Variants in RBL1 observed in about 807,000 individuals in gnomAD.
RBL1 encodes retinoblastoma-like protein 1.
A neutral mutation model predicts 123.0 loss-of-function variants in RBL1; 82 were observed. The ratio of observed to expected loss-of-function variants is 0.67; its 90% CI spans 0.56 to 0.80. The LOEUF is 0.80. RBL1 is among the 30% of genes least tolerant of loss of function. The probability of loss-of-function intolerance (pLI) is 0.00; values close to 1 mark genes in which losing one functional copy is unlikely to be tolerated. For missense variants in RBL1, 1,171 were observed against 1,299.6 expected (o/e 0.90, Z 1.52); for synonymous variants, 405 against 441.3 (o/e 0.92, Z 1.03).
chr20:37,093,791 G>A (rs1291693632), intron 1 of RBL1, among the ~76,000 whole-genome samples: 3 of 151,678 alleles, frequency 2.0e-5, no homozygotes, highest in African/African-American at 7.3e-5. Flanking sequence ...ACAAGTGCAC[G>A]TCACCATGCT....
At position 37,095,955 on chromosome 20, in the gene RBL1, C is replaced by T. The variant is rs1191522315; in HGVS notation, c.-27G>A. 2 of 1,485,354 alleles carry T rather than the reference C, an allele frequency of 1.3e-6. No individual in the cohort carries two copies. Among genetic ancestry groups the T allele is most frequent in the Non-Finnish European group, 9.0e-7 (1 of 1,110,152 alleles). 92.0% of individuals were successfully genotyped at this position (1,485,354 alleles called of 1,614,324 possible). On this transcript the variant is annotated 5_prime_UTR_variant, in exon 1 of 22. Transcript: ENST00000373664. Reference sequence around the variant, plus strand: ...CCTTCAGGCCCCGCGGGCTGCGCGCCACGGCCCCCGACTTCTTTCTCCCTC... The same window carrying T: ...CCTTCAGGCCCCGCGGGCTGCGCGCTACGGCCCCCGACTTCTTTCTCCCTC...
chr20:37,041,352 C>A (rs1031600729), intron 13 of RBL1, among the ~76,000 whole-genome samples: 1 of 151,988 alleles, frequency 6.6e-6, no homozygotes, highest in East Asian at 1.9e-4. Flanking sequence ...GACACAGTCT[C>A]GCTCTGTTGT....
At position 37,091,808 on chromosome 20, in the gene RBL1, A is replaced by G. The variant is rs1030917225; in HGVS notation, c.157-2686T>C. On this transcript the variant is annotated intron_variant, in intron 1 of 21. Transcript: ENST00000373664. Reference sequence around the variant, plus strand: ...ATAAAAAGATTTCTTGCAATAATCTAAAAGGGGTGGGTAGAAATGGGTGGC... The same window carrying G: ...ATAAAAAGATTTCTTGCAATAATCTGAAAGGGGTGGGTAGAAATGGGTGGC... Among the ~76,000 whole-genome samples the G allele has an allele frequency of 2.6e-5, 4 of 152,194 alleles. No individual in the cohort carries two copies. In the East Asian group the frequency reaches 7.7e-4, roughly 29 times the overall value.
chr20:37,002,265 A>T (rs1338195609), intron 21 of RBL1, among the ~76,000 whole-genome samples: 1 of 148,514 alleles, frequency 6.7e-6, no homozygotes, highest in Admixed American at 6.7e-5. Flanking sequence ...TCCTGGCCTC[A>T]AGTGTTCCCC....
intron 19 of RBL1, among the ~76,000 whole-genome samples, chr20:37,012,621 CG>C (rs2064175618): frequency 7.3e-6 from 1 of 136,418 alleles, no homozygotes; most frequent in Non-Finnish European, 1.5e-5. Flanking sequence ...GGAGCCCCTC[CG>C]CCCAGCAGCC....
At chr20:37,085,776 C>G (rs2065535601) in intron 2 of RBL1, among the ~76,000 whole-genome samples, 1 of 150,248 alleles carries the variant, frequency 6.7e-6, no homozygotes, top group South Asian at 2.1e-4. Flanking sequence ...ACCTCAGCCT[C>G]TCGAGTAGCT....
intron 14 of RBL1, among the ~76,000 whole-genome samples, chr20:37,035,969 T>G (rs765966843): frequency 3.9e-5 from 6 of 152,194 alleles, no homozygotes; most frequent in African/African-American, 9.7e-5. Flanking sequence ...GCTTTCTAAT[T>G]TAGTAGATAT....
intron 13 of RBL1, among the ~76,000 whole-genome samples, chr20:37,041,538 G>A (rs1370262762): frequency 6.6e-6 from 1 of 152,054 alleles, no homozygotes; most frequent in African/African-American, 2.4e-5. Flanking sequence ...GGCCAGCCTG[G>A]TCTCGAACGC....
intron 11 of RBL1, chr20:37,049,199 C>T (rs905262254): frequency 2.5e-5 from 9 of 366,614 alleles, no homozygotes; most frequent in Non-Finnish European, 4.6e-5. Context: ...GAGACTCTGT[C>T]CCAAAAAACA....
chr20:37,067,919 A>C, intron 3 of RBL1, 67 bp downstream of exon 3: 2 of 1,520,892 alleles, frequency 1.3e-6, no homozygotes, highest in Non-Finnish European at 1.8e-6. Flanking sequence ...ACAGACTTTC[A>C]AAAAAGTATA....
At chr20:37,069,103 G>A (rs1243739030) in intron 2 of RBL1, among the ~76,000 whole-genome samples, 24 of 152,272 alleles carry the variant, frequency 1.6e-4, no homozygotes, top group Non-Finnish European at 1.8e-4. Flanking sequence ...GCCTCCCGAG[G>A]TGCCGGGATT....
chr20:37,062,094 T>C lies in RBL1; in HGVS notation c.1073A>G (p.His358Arg), dbSNP rs1288008530. 10 of 1,612,276 alleles carry C rather than the reference T, an allele frequency of 6.2e-6. No homozygotes were observed. Among genetic ancestry groups the C allele is most frequent in the South Asian group, 1.1e-5 (1 of 90,770 alleles). Residue 358 changes from histidine to arginine, a missense_variant, in exon 8 of 22, where the codon CAC (histidine) becomes CGC (arginine). By Grantham distance (29) the His-to-Arg change is conservative. Coordinates refer to ENST00000373664, the MANE Select transcript of RBL1 (RefSeq NM_002895.5). ...QANVEYNLQQ[H>R]FEKKRSFAPS... ...GCTAGGTTATATTACTTTTTCAAAG[T>C]GCTGTTGAAGGTTATACTCCACATT...
At chr20:37,044,033 G>A in intron 13 of RBL1, 53 bp downstream of exon 13, 1 of 912,710 alleles carries the variant, frequency 1.1e-6, no homozygotes, top group Non-Finnish European at 1.5e-6. Flanking sequence ...AATAAAGCTG[G>A]TTTTTTTTTT....
In RBL1 at chr20:37,007,435, G is replaced by T; in HGVS notation, c.2847C>A (p.Tyr949Ter). ...CCATATGGTCCTGATTCGCCAAGTC[G>T]TATTTCAGTGCAAATGACTTCACTC... Reference protein sequence around the residue: ...VGRVKSFALKYDLANQDHMMD... With the variant: ...VGRVKSFALK Residue 949 changes from tyrosine (Y) to a stop codon, truncating the protein, a stop_gained, in exon 20 of 22, where the codon TAC becomes TAA. Coordinates refer to ENST00000373664, the MANE Select transcript of RBL1 (RefSeq NM_002895.5). LOFTEE classifies it high-confidence loss of function. 2 of 1,613,500 alleles carry T rather than the reference G, an allele frequency of 1.2e-6. No individual in the cohort carries two copies.
intron 7 of RBL1, among the ~76,000 whole-genome samples, chr20:37,064,259 T>A (rs1237892509): frequency 6.6e-6 from 1 of 150,922 alleles, no homozygotes. Flanking sequence ...TGCCTCAGCC[T>A]CCCAAGTAGC....
In RBL1 at chr20:37,067,630, C is replaced by T. The variant is rs1003103526; in HGVS notation, c.492-333G>A. Among the ~76,000 whole-genome samples, 10 of 151,498 alleles carry T rather than the reference C, an allele frequency of 6.6e-5. No individual in the cohort carries two copies. The South Asian group carries it at 1.5e-3, about 22-fold the overall frequency. ...CTAAAAATACAAAAAATGAGCCAGA[C>T]GGGGTGGTGCACACCTGTGATCCCA... On this transcript the variant is annotated intron_variant, in intron 3 of 21. Transcript: ENST00000373664.
chr20:37,090,701 T>C (rs1310943415), intron 1 of RBL1, among the ~76,000 whole-genome samples: 3 of 152,208 alleles, frequency 2.0e-5, no homozygotes, highest in African/African-American at 4.8e-5. Context: ...AAACATAGCA[T>C]AGCCTACTAA....
chr20:37,070,075 CTG>C (rs1434402044), intron 2 of RBL1, among the ~76,000 whole-genome samples: 2 of 152,226 alleles, frequency 1.3e-5, no homozygotes, highest in Non-Finnish European at 1.5e-5. Flanking sequence ...GTTGCCGTGT[CTG>C]TGTAGAAAGA....
At chr20:37,081,813 T>G in intron 2 of RBL1, 1 of 341,048 alleles carries the variant, frequency 2.9e-6, no homozygotes, top group Non-Finnish European at 5.8e-6. Flanking sequence ...CCATCAAGTG[T>G]GGAATTGGTT....
Sources: allele counts gnomAD v4.1 joint callset (sites outside exome capture counted in the v4.1 genomes callset), GRCh38; gene constraint gnomAD v4.1.1; transcripts MANE v1.5; gene names NCBI Gene and HGNC (gene_info 2026-07-23, HGNC 2026-07-21).